ZC3H12B: variants seen among roughly 807,000 people sequenced by gnomAD.
ZC3H12B encodes zinc finger CCCH-type containing 12B, also known as probable ribonuclease ZC3H12B.
ZC3H12B carries 7 observed loss-of-function variants against 43.9 expected under a neutral mutation model. The ratio of observed to expected loss-of-function variants is 0.16; its 90% CI spans 0.09 to 0.30. The LOEUF (loss-of-function observed/expected upper bound fraction) is 0.30, where lower values mean the gene tolerates loss of function less well. ZC3H12B is among the 10% of genes least tolerant of loss of function. The pLI, the probability that ZC3H12B is intolerant of heterozygous loss-of-function variation, is 1.00. For synonymous variants in ZC3H12B, 222 were observed against 241.7 expected (o/e 0.92, Z 0.76); for missense variants, 475 against 670.2 (o/e 0.71, Z 3.22).
the ZC3H12B span, among the ~76,000 whole-genome samples, chrX:65,174,939 CA>C: frequency 1.3e-3 from 136 of 101,333 alleles, no homozygotes; most frequent in African/African-American, 2.7e-3. Context: ...AAAAAACAAA[CA>C]AAAAAAAAAA....
At chrX:65,441,234 T>A (rs2067297401) in intron 3 of ZC3H12B, among the ~76,000 whole-genome samples, 1 of 111,861 alleles carries the variant, frequency 8.9e-6, no homozygotes, top group Admixed American at 9.5e-5. Context: ...TCCCAGGTTG[T>A]CCATCAGGCC....
intron 3 of ZC3H12B, chrX:65,408,047 T>C: frequency 8.7e-7 from 1 of 1,155,897 alleles, no homozygotes; most frequent in Admixed American, 2.7e-5. Flanking sequence ...GAGAATTGAG[T>C]TGCCGGGGAA....
At chrX:65,112,843 C>T in the ZC3H12B span, among the ~76,000 whole-genome samples, 5 of 112,048 alleles carry the variant, frequency 4.5e-5, no homozygotes, top group African/African-American at 1.6e-4. Context: ...ATCCCTTCTA[C>T]AGCCTGTGGA....
At chrX:65,438,692 A>G (rs2067258552) in intron 3 of ZC3H12B, among the ~76,000 whole-genome samples, 1 of 113,406 alleles carries the variant, frequency 8.8e-6, no homozygotes, top group Non-Finnish European at 1.9e-5. Flanking sequence ...GATGGGCCAA[A>G]TTAATTGCAG....
the ZC3H12B span, among the ~76,000 whole-genome samples, chrX:65,179,898 A>T: frequency 1.8e-5 from 2 of 111,869 alleles, no homozygotes; most frequent in Non-Finnish European, 3.8e-5. Context: ...GGACCAGATA[A>T]CTTCACAGGT....
intron 2 of ZC3H12B, among the ~76,000 whole-genome samples, chrX:65,389,753 T>C (rs770706207): frequency 1.8e-5 from 2 of 112,478 alleles, no homozygotes; most frequent in African/African-American, 3.2e-5. Context: ...CTGGAGCTGT[T>C]CCTATTCGGC....
chrX:65,093,977 G>C, the ZC3H12B span, among the ~76,000 whole-genome samples: 1 of 111,390 alleles, frequency 9.0e-6, no homozygotes, highest in South Asian at 3.8e-4. Flanking sequence ...CCCAATGTTG[G>C]AGGTGGGGCC....
the ZC3H12B span, among the ~76,000 whole-genome samples, chrX:65,349,867 T>A: frequency 9.0e-6 from 1 of 111,471 alleles, no homozygotes; most frequent in African/African-American, 3.3e-5. Context: ...ATTCATAGCC[T>A]AACAACCAAA....
intron 2 of ZC3H12B, among the ~76,000 whole-genome samples, chrX:65,390,618 G>A (rs189180155): frequency 1.6e-4 from 18 of 110,767 alleles, no homozygotes; most frequent in Admixed American, 3.9e-4. Context: ...CAATAATGCC[G>A]GGAGACTTCA....
chrX:65,445,207 C>A (rs1264069427), intron 3 of ZC3H12B, among the ~76,000 whole-genome samples: 1 of 112,351 alleles, frequency 8.9e-6, no homozygotes, highest in African/African-American at 3.2e-5. Context: ...AAATTGGTTG[C>A]TGGTGCCTTA....
chrX:65,342,853 A>AT, the ZC3H12B span, among the ~76,000 whole-genome samples: 2 of 109,487 alleles, frequency 1.8e-5, no homozygotes, highest in African/African-American at 6.6e-5. Flanking sequence ...AAAAAAAAAA[A>AT]TTCAAAAGAT....
At chrX:65,338,375 C>T in the ZC3H12B span, among the ~76,000 whole-genome samples, 3 of 111,623 alleles carry the variant, frequency 2.7e-5, no homozygotes, top group Non-Finnish European at 5.6e-5. Flanking sequence ...AATTTAAAAA[C>T]CCACCAACCA....
intron 3 of ZC3H12B, among the ~76,000 whole-genome samples, chrX:65,462,994 TC>T (rs1235675374): frequency 1.8e-5 from 2 of 112,214 alleles, no homozygotes; most frequent in African/African-American, 6.5e-5. Flanking sequence ...GAGGCCATTA[TC>T]CTAAGTGAAT....
At chrX:65,214,908 G>A in the ZC3H12B span, among the ~76,000 whole-genome samples, 8 of 111,596 alleles carry the variant, frequency 7.2e-5, no homozygotes, top group Non-Finnish European at 1.5e-4. Context: ...CAGAATGGAT[G>A]TTGTGTTAAT....
chrX:65,288,333 A>G, the ZC3H12B span, among the ~76,000 whole-genome samples: 1 of 111,199 alleles, frequency 9.0e-6, no homozygotes, highest in East Asian at 2.8e-4. Context: ...TGAGGCAAAA[A>G]CCAGACAAGG....
chrX:65,134,709 CA>C, the ZC3H12B span, among the ~76,000 whole-genome samples: 1 of 111,444 alleles, frequency 9.0e-6, no homozygotes, highest in Non-Finnish European at 1.9e-5. Flanking sequence ...TCTTCGGCAC[CA>C]AATGTCACGT....
the ZC3H12B span, among the ~76,000 whole-genome samples, chrX:65,212,924 C>G: frequency 9.4e-6 from 1 of 106,511 alleles, no homozygotes; most frequent in African/African-American, 3.4e-5. Flanking sequence ...CCAGTTTGTT[C>G]ACTTAATTAT....
At chrX:65,499,890 C>T (rs1180421702) in exon 4 of ZC3H12B, 1 of 1,208,897 alleles carries the variant, frequency 8.3e-7, no homozygotes, top group Non-Finnish European at 1.1e-6. Context: ...CAGATTTATG[C>T]CTCCAGATGA....
At chrX:65,113,983 T>TTG in the ZC3H12B span, among the ~76,000 whole-genome samples, 10 of 25,338 alleles carry the variant, frequency 3.9e-4, no homozygotes, top group African/African-American at 7.1e-4. Context: ...TGAGATATGC[T>TTG]TGTATATATA....
Sources: gnomAD v4.1 joint callset for allele counts (sites outside exome capture counted in the v4.1 genomes callset) on GRCh38, gnomAD v4.1.1 for gene constraint, MANE v1.5 for transcripts, NCBI Gene and HGNC (gene_info 2026-07-23, HGNC 2026-07-21) for gene names.